ANKMY2: variants seen among roughly 807,000 people sequenced by gnomAD.
ANKMY2 encodes the protein ankyrin repeat and MYND domain-containing protein 2.
In ANKMY2, 36 loss-of-function variants were observed where a neutral mutation model predicts 50.4. That is an observed-to-expected ratio of 0.71 (90% CI 0.55 to 0.94). ANKMY2 has a LOEUF of 0.94. Among genes scored for constraint, ANKMY2 ranks in the 40% least tolerant of loss-of-function variants. The probability of loss-of-function intolerance (pLI) is 0.00; values close to 1 mark genes in which losing one functional copy is unlikely to be tolerated. For missense variants in ANKMY2, 565 were observed against 524.0 expected (o/e 1.08, Z -0.76); for synonymous variants, 187 against 178.8 (o/e 1.05, Z -0.36).
chr7:16,610,798 G>A (rs757783454), intron 5 of ANKMY2, 35 bp from the exon 6 acceptor site: 2 of 1,585,448 alleles, frequency 1.3e-6, no homozygotes, highest in Non-Finnish European at 1.7e-6. Flanking sequence ...GGTATTAAAG[G>A]AGACACTTGT....
At chr7:16,608,786 G>A (rs1244694282) in intron 7 of ANKMY2, among the ~76,000 whole-genome samples, 1 of 152,154 alleles carries the variant, frequency 6.6e-6, no homozygotes, top group Non-Finnish European at 1.5e-5. Context: ...TAGATCACCT[G>A]AGTCAGGAGT....
chr7:16,609,774 T>C lies in ANKMY2; in HGVS notation c.747-9A>G, dbSNP rs984337464. 1 of 1,607,866 alleles carries C rather than the reference T, an allele frequency of 6.2e-7. No homozygotes were observed. ...CTCGGCCTTTTAACAAGCTGAAAGA[T>C]ATTTTTTAAAGCGTAATTGGAGTTG... On this transcript the variant is annotated splice_polypyrimidine_tract_variant and intron_variant, in intron 6 of 9. Transcript: ENST00000306999.
chr7:16,633,121 T>A (rs1338247523), intron 2 of ANKMY2, among the ~76,000 whole-genome samples: 1 of 152,118 alleles, frequency 6.6e-6, no homozygotes, highest in Non-Finnish European at 1.5e-5. Flanking sequence ...TATTGAGTTG[T>A]AGAAGTTCTT....
chr7:16,604,586 T>C (rs377609221), intron 8 of ANKMY2, 135 bp downstream of exon 8: 1 of 1,173,960 alleles, frequency 8.5e-7, no homozygotes, highest in African/African-American at 1.6e-5. Flanking sequence ...ACTTTTTAAG[T>C]ATTAAATAGA....
chr7:16,635,650 C>A (rs1357707960), intron 2 of ANKMY2, among the ~76,000 whole-genome samples: 1 of 152,126 alleles, frequency 6.6e-6, no homozygotes, highest in African/African-American at 2.4e-5. Context: ...GATGTTACCA[C>A]CATTTCCAAA....
intron 1 of ANKMY2, among the ~76,000 whole-genome samples, chr7:16,641,898 G>C (rs550494020): frequency 6.6e-6 from 1 of 152,288 alleles, no homozygotes; most frequent in Admixed American, 6.5e-5. Context: ...GCAGATGGGG[G>C]TGAAGTTAGT....
intron 4 of ANKMY2, among the ~76,000 whole-genome samples, chr7:16,618,594 G>A (rs879201890): frequency 6.6e-6 from 1 of 152,116 alleles, no homozygotes; most frequent in East Asian, 1.9e-4. Context: ...CGGGGAGGTG[G>A]GTATTTCTTT....
intron 4 of ANKMY2, among the ~76,000 whole-genome samples, chr7:16,617,103 CT>C (rs71549986): frequency 6.6e-6 from 1 of 151,832 alleles, no homozygotes; most frequent in African/African-American, 2.4e-5. Context: ...GAACACCTAT[CT>C]TTTTATTGAA....
intron 1 of ANKMY2, among the ~76,000 whole-genome samples, chr7:16,640,014 A>T (rs939337393): frequency 6.6e-6 from 1 of 151,752 alleles, no homozygotes; most frequent in Non-Finnish European, 1.5e-5. Flanking sequence ...AAAAATACAA[A>T]AATTAGCCAG....
At position 16,600,576 on chromosome 7, in the gene ANKMY2, G is replaced by C. The variant is rs1044984; in HGVS notation, c.*185C>G. ...CCATAGGAATATCCATTCAATTATA[G>C]AACAGAAATCAATAGGAAATTAGGG... On this transcript the variant is annotated 3_prime_UTR_variant, in exon 10 of 10. Coordinates refer to ENST00000306999, the MANE Select transcript of ANKMY2 (RefSeq NM_020319.3). 147,805 of 435,524 alleles carry C rather than the reference G, an allele frequency of 0.34. 26,331 individuals carry two copies. The highest frequency in any genetic ancestry group is 0.47 in the Middle Eastern group (772 of 1,650). The allele number at this position is 435,524 out of a possible 1,614,324, so 27.0% of individuals were successfully genotyped here.
chr7:16,600,690 C>G lies in ANKMY2; in HGVS notation c.*71G>C. On this transcript the variant is annotated 3_prime_UTR_variant, in exon 10 of 10. Transcript: ENST00000306999. ...CCACGCAGGTATAACAAGGTGAGGA[C>G]AATGCATTCCTAGGAGTTTTCCAGC... 1 of 1,393,814 alleles carries G rather than the reference C, an allele frequency of 7.2e-7. No individual in the cohort carries two copies. The highest frequency in any genetic ancestry group is 9.7e-7 in the Non-Finnish European group (1 of 1,034,664). 86.3% of individuals were successfully genotyped at this position (1,393,814 alleles called of 1,614,324 possible). A position where few individuals can be genotyped will look rare whatever the true frequency, so the allele number is the denominator to read the frequency against.
intron 7 of ANKMY2, among the ~76,000 whole-genome samples, chr7:16,605,161 A>G (rs1350268342): frequency 6.6e-6 from 1 of 152,258 alleles, no homozygotes; most frequent in African/African-American, 2.4e-5. Context: ...CAGATTTAGG[A>G]CAATAACTCC....
intron 7 of ANKMY2, among the ~76,000 whole-genome samples, chr7:16,607,494 G>A (rs1167414873): frequency 1.3e-5 from 2 of 152,038 alleles, no homozygotes; most frequent in Non-Finnish European, 2.9e-5. Context: ...CTTGAACCCG[G>A]AAGACTGAGG....
chr7:16,643,968 C>G (rs1248542619), intron 1 of ANKMY2, among the ~76,000 whole-genome samples: 2 of 152,070 alleles, frequency 1.3e-5, no homozygotes, highest in East Asian at 3.9e-4. Flanking sequence ...CAACTCCAGC[C>G]TGGGTGAAGA....
chr7:16,643,394 A>G (rs1781771817), intron 1 of ANKMY2, among the ~76,000 whole-genome samples: 1 of 152,174 alleles, frequency 6.6e-6, no homozygotes, highest in East Asian at 1.9e-4. Context: ...TGTTTTTCTC[A>G]TATCTCCCAT....
At chr7:16,629,363 C>G (rs1288610514) in intron 2 of ANKMY2, among the ~76,000 whole-genome samples, 2 of 152,154 alleles carry the variant, frequency 1.3e-5, no homozygotes, top group Non-Finnish European at 2.9e-5. Flanking sequence ...TGGCAAAACC[C>G]TGTCTCCACT....
Position 16,609,733 on chromosome 7 carries a change from G to A in ANKMY2, c.779C>T (p.Pro260Leu). ...LLKGRASDGF[P>L]VYQEKIIRES... ...TCTAATGATCTTTTCTTGATACACT[G>A]GAAAGCCATCAGAAGCTCGGCCTTT... The change falls in exon 7 of 10, where the codon CCA becomes CTA. Residue 260 changes from proline to leucine, a missense_variant. Physicochemically the swap from Pro to Leu is moderately conservative, Grantham distance 98. Coordinates refer to ENST00000306999, the MANE Select transcript of ANKMY2 (RefSeq NM_020319.3). The A allele has an allele frequency of 1.2e-6, 2 of 1,610,198 alleles. No homozygotes were observed. The highest frequency in any genetic ancestry group is 2.2e-5 in the East Asian group (1 of 44,568).
At chr7:16,616,380 A>T (rs1349920638) in intron 4 of ANKMY2, among the ~76,000 whole-genome samples, 1 of 150,478 alleles carries the variant, frequency 6.6e-6, no homozygotes, top group African/African-American at 2.5e-5. Context: ...CCTACCCCCT[A>T]AATTTGAGAA....
chr7:16,619,241 C>G (rs972901435), intron 4 of ANKMY2, among the ~76,000 whole-genome samples: 3 of 151,882 alleles, frequency 2.0e-5, no homozygotes, highest in Admixed American at 6.6e-5. Flanking sequence ...GCAACCTCCG[C>G]CTCCTAGGCT....
Sources: allele counts gnomAD v4.1 joint callset (sites outside exome capture counted in the v4.1 genomes callset), GRCh38; gene constraint gnomAD v4.1.1; transcripts MANE v1.5; gene names NCBI Gene and HGNC (gene_info 2026-07-23, HGNC 2026-07-21).